The following NAV2 variants were observed in gnomAD, a reference collection of about 807,000 sequenced individuals.
NAV2 encodes neuron navigator 2.
In NAV2, 54 loss-of-function variants were observed where a neutral mutation model predicts 223.2. The ratio of observed to expected loss-of-function variants is 0.24; its 90% CI spans 0.19 to 0.30. The LOEUF is 0.30. Among genes scored for constraint, NAV2 ranks in the 10% least tolerant of loss-of-function variants. NAV2 has a pLI of 1.00. For missense variants in NAV2, 2,806 were observed against 3,147.5 expected, an observed-to-expected ratio of 0.89 and a Z score of 2.60; for synonymous variants, 1,279 against 1,239.3, an observed-to-expected ratio of 1.03 and a Z score of -0.67.
chr11:19,981,054 G>T (rs542950228), intron 10 of NAV2, among the ~76,000 whole-genome samples: 1 of 152,060 alleles, frequency 6.6e-6, no homozygotes, highest in African/African-American at 2.4e-5. Flanking sequence ...CTCTACATGC[G>T]CACGATAAGT....
chr11:20,066,777 A>T (rs1024922211), intron 20 of NAV2, among the ~76,000 whole-genome samples: 2 of 152,190 alleles, frequency 1.3e-5, no homozygotes, highest in African/African-American at 4.8e-5. Context: ...AAATTGGATT[A>T]GGACACCTAG....
chr11:19,869,940 A>G (rs1277849339), intron 4 of NAV2, among the ~76,000 whole-genome samples: 1 of 152,164 alleles, frequency 6.6e-6, no homozygotes, highest in Non-Finnish European at 1.5e-5. Flanking sequence ...TACACGGTGA[A>G]AGCTTGGTTT....
At chr11:19,553,333 GC>G (rs2044750552) in intron 1 of NAV2, among the ~76,000 whole-genome samples, 1 of 152,196 alleles carries the variant, frequency 6.6e-6, no homozygotes, top group Non-Finnish European at 1.5e-5. Context: ...CTTGAGCAGG[GC>G]TCTCTGAAGT....
At chr11:19,545,303 C>T (rs2044464262) in intron 1 of NAV2, among the ~76,000 whole-genome samples, 1 of 152,314 alleles carries the variant, frequency 6.6e-6, no homozygotes, top group African/African-American at 2.4e-5. Flanking sequence ...GCCGGGCAGC[C>T]AACTGAATTA....
chr11:19,385,886 C>A (rs562882285), intron 1 of NAV2, among the ~76,000 whole-genome samples: 54 of 151,846 alleles, frequency 3.6e-4, no homozygotes, highest in African/African-American at 1.3e-3. Context: ...CTCAGCCTCC[C>A]GAGTAGCTGG....
At chr11:19,404,081 G>T (rs1203434503) in intron 1 of NAV2, among the ~76,000 whole-genome samples, 1 of 152,178 alleles carries the variant, frequency 6.6e-6, no homozygotes, top group African/African-American at 2.4e-5. Flanking sequence ...GGCAGATTCT[G>T]TTGGCCTTGT....
chr11:19,903,253 G>A (rs1424919700), intron 6 of NAV2, among the ~76,000 whole-genome samples: 3 of 152,186 alleles, frequency 2.0e-5, no homozygotes, highest in Admixed American at 6.5e-5. Flanking sequence ...TCTACTTGGT[G>A]GTGAGAGTGA....
At chr11:20,025,160 G>A (rs1286825886) in intron 11 of NAV2, among the ~76,000 whole-genome samples, 1 of 152,178 alleles carries the variant, frequency 6.6e-6, no homozygotes, top group East Asian at 1.9e-4. Flanking sequence ...GCCTCTCTAA[G>A]CTTCAGTTTC....
chr11:19,818,947 C>A (rs916648880), intron 1 of NAV2, among the ~76,000 whole-genome samples: 1 of 152,186 alleles, frequency 6.6e-6, no homozygotes, highest in East Asian at 1.9e-4. Flanking sequence ...AATCATTCAT[C>A]TCTTTTTTTC....
chr11:19,708,469 A>AT (rs896850453), upstream of NAV2, among the ~76,000 whole-genome samples: 9 of 152,146 alleles, frequency 5.9e-5, no homozygotes, highest in Non-Finnish European at 8.8e-5. Context: ...AGATCCCTGC[A>AT]TTTTTTTGTG....
intron 1 of NAV2, among the ~76,000 whole-genome samples, chr11:19,353,070 CA>C (rs758828775): frequency 2.6e-5 from 4 of 152,262 alleles, no homozygotes; most frequent in East Asian, 1.9e-4. Context: ...AACTCCTCTT[CA>C]GGGGGGATTG....
At chr11:20,023,576 G>A (rs1478829482) in intron 11 of NAV2, among the ~76,000 whole-genome samples, 1 of 152,166 alleles carries the variant, frequency 6.6e-6, no homozygotes, top group Non-Finnish European at 1.5e-5. Context: ...AGGCAGTGTG[G>A]CCCCAGGCAA....
intron 1 of NAV2, among the ~76,000 whole-genome samples, chr11:19,521,076 C>A (rs964808141): frequency 6.6e-6 from 1 of 152,124 alleles, no homozygotes; most frequent in Non-Finnish European, 1.5e-5. Context: ...GTCCAACAGC[C>A]ATTTGGCCAT....
chr11:19,452,545 A>T (rs566352362), intron 1 of NAV2, among the ~76,000 whole-genome samples: 1 of 152,314 alleles, frequency 6.6e-6, no homozygotes, highest in Admixed American at 6.5e-5. Flanking sequence ...GTTGGGTTAC[A>T]TCCCAATAAA....
At chr11:20,012,774 A>C (rs1369806111) in intron 11 of NAV2, among the ~76,000 whole-genome samples, 1 of 152,200 alleles carries the variant, frequency 6.6e-6, no homozygotes, top group Admixed American at 6.5e-5. Flanking sequence ...CTGTCTGTAA[A>C]GTCAAGAAAA....
chr11:19,899,527 C>A (rs1020589192), intron 6 of NAV2, among the ~76,000 whole-genome samples: 2 of 152,150 alleles, frequency 1.3e-5, no homozygotes, highest in Non-Finnish European at 2.9e-5. Flanking sequence ...TTGTTCATTT[C>A]ATCATCATTT....
intron 1 of NAV2, among the ~76,000 whole-genome samples, chr11:19,820,333 T>C (rs563144020): frequency 1.1e-4 from 16 of 152,242 alleles, no homozygotes; most frequent in Non-Finnish European, 2.4e-4. Flanking sequence ...GATTAGTCAG[T>C]AACTAATGAA....
intron 1 of NAV2, among the ~76,000 whole-genome samples, chr11:19,461,801 A>G (rs1054906056): frequency 4.6e-5 from 7 of 152,198 alleles, no homozygotes; most frequent in African/African-American, 1.7e-4. Flanking sequence ...TGTTTTATGA[A>G]CCTTATATCT....
intron 11 of NAV2, among the ~76,000 whole-genome samples, chr11:19,990,562 G>A (rs996519536): frequency 8.0e-4 from 121 of 151,564 alleles, no homozygotes; most frequent in African/African-American, 2.8e-3. Flanking sequence ...TGTTATGTAC[G>A]GTCTGTTCCT....
Sources: gnomAD v4.1 joint callset for allele counts (sites outside exome capture counted in the v4.1 genomes callset) on GRCh38, gnomAD v4.1.1 for gene constraint, MANE v1.5 for transcripts, NCBI Gene and HGNC (gene_info 2026-07-23, HGNC 2026-07-21) for gene names.